The following KIF15 variants were observed in gnomAD, a reference collection of about 807,000 sequenced individuals.
KIF15 encodes kinesin family member 15.
In KIF15, 140 loss-of-function variants were observed where a neutral mutation model predicts 190.6. The ratio of observed to expected loss-of-function variants is 0.73; its 90% CI spans 0.64 to 0.84. The LOEUF is 0.84. KIF15 is among the 40% of genes least tolerant of loss of function. The pLI is 0.00. For synonymous variants in KIF15, 528 were observed against 551.3 expected (o/e 0.96, Z 0.59); for missense variants, 1,372 against 1,584.4 (o/e 0.87, Z 2.28).
At chr3:44,842,158 C>T (rs79198088) in intron 29 of KIF15, among the ~76,000 whole-genome samples, 2,841 of 152,280 alleles carry the variant, frequency 0.019, 76 homozygotes, top group African/African-American at 0.064. Context: ...TTTTCTATCA[C>T]TGGACTTTTT....
chr3:44,803,032 G>A (rs1707349305), intron 14 of KIF15, 41 bp downstream of exon 14: 1 of 1,536,042 alleles, frequency 6.5e-7, no homozygotes, highest in Admixed American at 2.2e-5. Flanking sequence ...TGTAGGAAGG[G>A]GCTGTTTTAA....
chr3:44,823,932 G>C (rs1187331946), intron 20 of KIF15, among the ~76,000 whole-genome samples: 1 of 152,172 alleles, frequency 6.6e-6, no homozygotes, highest in Non-Finnish European at 1.5e-5. Context: ...GCTTCCCTTG[G>C]CTAGGAAAGG....
intron 13 of KIF15, among the ~76,000 whole-genome samples, chr3:44,802,344 AC>A (rs1707317345): frequency 6.6e-6 from 1 of 152,018 alleles, no homozygotes; most frequent in African/African-American, 2.4e-5. Context: ...TTGTGGGAAA[AC>A]CCAAAATCTC....
At chr3:44,837,434 A>G (rs899104742) in intron 26 of KIF15, among the ~76,000 whole-genome samples, 5 of 152,224 alleles carry the variant, frequency 3.3e-5, no homozygotes, top group African/African-American at 1.2e-4. Context: ...TTAGTGATAG[A>G]TTAAATTGTG....
chr3:44,835,990 C>A (rs1429262382), intron 26 of KIF15, among the ~76,000 whole-genome samples: 1 of 152,114 alleles, frequency 6.6e-6, no homozygotes, highest in African/African-American at 2.4e-5. Context: ...GGGACAATTG[C>A]TTGAGTCCAG....
At chr3:44,861,869 C>T in intron 6 of KIF15, 2 of 1,481,746 alleles carry the variant, frequency 1.3e-6, no homozygotes, top group Non-Finnish European at 1.8e-6. Flanking sequence ...CATCCAATCG[C>T]GGCGCGCGCT....
At chr3:44,813,625 GTTTTGTTT>G (rs1355142114) in intron 19 of KIF15, among the ~76,000 whole-genome samples, 4 of 102,734 alleles carry the variant, frequency 3.9e-5, no homozygotes, top group Non-Finnish European at 8.3e-5. Flanking sequence ...TGTTTTGTTT[GTTTTGTTT>G]TTTTTTTTTT....
At chr3:44,806,306 A>G (rs929132820) in intron 16 of KIF15, among the ~76,000 whole-genome samples, 1 of 152,236 alleles carries the variant, frequency 6.6e-6, no homozygotes, top group African/African-American at 2.4e-5. Context: ...GCAGAGTTTT[A>G]GAGTACTAAA....
chr3:44,865,183 C>G lies in KIF15; in HGVS notation c.*60-8146C>G, dbSNP rs755590861. On this transcript the variant is annotated intron_variant and NMD_transcript_variant, in intron 6 of 6. Coordinates refer to the KIF15 transcript ENST00000422209. ...CCCTTCCACACAAGCAGCAGTAGCA[C>G]CACTTGGCTAGACGGACCAGCTGGA... 3 of 1,614,208 alleles carry G rather than the reference C, an allele frequency of 1.9e-6. No individual in the cohort carries two copies. In the Admixed American group the frequency reaches 5.0e-5, roughly 27 times the overall value.
intron 31 of KIF15, 81 bp from the exon 32 acceptor site, chr3:44,848,440 G>A (rs936182710): frequency 7.5e-6 from 5 of 670,136 alleles, no homozygotes; most frequent in Non-Finnish European, 1.0e-5. Flanking sequence ...AGAATGGGCT[G>A]GTTCCTTTCT....
chr3:44,801,785 C>T lies in KIF15; in HGVS notation c.1320C>T (p.Thr440=). The T allele has an allele frequency of 6.3e-7, 1 of 1,578,414 alleles. No homozygotes were observed. Among genetic ancestry groups the T allele is most frequent in the South Asian group, 1.1e-5 (1 of 88,272 alleles). Residue 440 remains threonine, a synonymous_variant, in exon 13 of 35, where the codon ACC becomes ACT. Coordinates refer to ENST00000326047, the MANE Select transcript of KIF15 (RefSeq NM_020242.3). The part of the protein sequence containing the change: ...QEKKSLIEKV[T]QLEDLTLKKE... ...TTAAGTCTCTGATAGAAAAAGTTAC[C>T]CAATTAGAAGACCTCACCCTCAAAA...
intron 26 of KIF15, among the ~76,000 whole-genome samples, chr3:44,837,973 A>G (rs1234996178): frequency 6.6e-6 from 1 of 152,156 alleles, no homozygotes; most frequent in Non-Finnish European, 1.5e-5. Context: ...CCTCCCCAGG[A>G]GAGGGAGATT....
rs1172540747 is a variant in KIF15, at chr3:44,812,189, T to C, written c.2177T>C (p.Met726Thr). The part of the protein sequence containing the change: ...SEELRTVQEQ[M>T]SALQAKLDEE... ...GAAGTTTTTGTGTTGCAGGAACAAA[T>C]GAGTGCTCTTCAAGCCAAACTGGAT... The change falls in exon 18 of 35, where the codon ATG (methionine) becomes ACG (threonine). Residue 726 changes from methionine (M) to threonine (T), a missense_variant. Physicochemically the swap from Met to Thr is moderately conservative, Grantham distance 81. Coordinates refer to ENST00000326047, the MANE Select transcript of KIF15 (RefSeq NM_020242.3). 1 of 1,610,304 alleles carries C rather than the reference T, an allele frequency of 6.2e-7. No homozygotes were observed. The highest frequency in any genetic ancestry group is 1.3e-5 in the African/African-American group (1 of 74,754).
chr3:44,792,747 C>T (rs533136380), intron 7 of KIF15, among the ~76,000 whole-genome samples: 13 of 152,076 alleles, frequency 8.5e-5, no homozygotes, highest in African/African-American at 2.2e-4. Flanking sequence ...GGGGTTTCAC[C>T]GTGTTAGCCA....
chr3:44,827,513 C>G lies in KIF15; in HGVS notation c.2841C>G (p.Ala947=). 6.2e-7 allele frequency: 1 copy of G among 1,610,134 alleles called. No homozygotes were observed. The highest frequency in any genetic ancestry group is 8.5e-7 in the Non-Finnish European group (1 of 1,176,732). ...AVRQEKQKET[A]KCEQQMAKVQ... Reference sequence around the variant, plus strand: ...GTCAGGAGAAACAGAAAGAGACGGCCAAGTGTGAGCAGCAGGTAAAATTCC... The same window carrying G: ...GTCAGGAGAAACAGAAAGAGACGGCGAAGTGTGAGCAGCAGGTAAAATTCC... The change falls in exon 23 of 35, where the codon GCC becomes GCG. Residue 947 remains alanine (A), a synonymous_variant. Transcript: ENST00000326047.
chr3:44,810,833 T>A lies in KIF15; in HGVS notation c.1972-13T>A, dbSNP rs765598219. 12 of 1,590,458 alleles carry A rather than the reference T, an allele frequency of 7.5e-6. No individual in the cohort carries two copies. In the East Asian group the frequency reaches 2.7e-4, roughly 36 times the overall value. ...TATGTGCTAATGTTTTCCATAATCA[T>A]TTTTTGCTGCAGATTATAACTACAC... is the stretch of plus-strand genomic sequence containing the variant. On this transcript the variant is annotated splice_polypyrimidine_tract_variant and intron_variant, in intron 16 of 34. Transcript: ENST00000326047.
intron 16 of KIF15, among the ~76,000 whole-genome samples, chr3:44,809,139 A>G (rs561849230): frequency 6.6e-6 from 1 of 152,298 alleles, no homozygotes; most frequent in South Asian, 2.1e-4. Flanking sequence ...TGGGATTGTC[A>G]TGCTTGTTAA....
intron 1 of KIF15, among the ~76,000 whole-genome samples, chr3:44,767,425 AG>A (rs760284271): frequency 7.9e-5 from 12 of 152,240 alleles, no homozygotes; most frequent in Non-Finnish European, 1.6e-4. Context: ...GAACAGGGTC[AG>A]GGATGACTAT....
At chr3:44,835,462 G>A (rs550561427) in intron 26 of KIF15, among the ~76,000 whole-genome samples, 25 of 151,782 alleles carry the variant, frequency 1.6e-4, no homozygotes, top group African/African-American at 4.1e-4. Flanking sequence ...CGCTGGTCTC[G>A]AACTCCTAAA....
Sources: gnomAD v4.1 joint callset for allele counts (sites outside exome capture counted in the v4.1 genomes callset) on GRCh38, gnomAD v4.1.1 for gene constraint, MANE v1.5 for transcripts, NCBI Gene and HGNC (gene_info 2026-07-23, HGNC 2026-07-21) for gene names.